CELSR1: variants seen among roughly 807,000 people sequenced by gnomAD.
The protein encoded by CELSR1 is cadherin EGF LAG seven-pass G-type receptor 1.
CELSR1 carries 110 observed loss-of-function variants against 249.1 expected under a neutral mutation model. The ratio of observed to expected loss-of-function variants is 0.44; its 90% CI spans 0.38 to 0.52. The LOEUF is 0.52. Ranked by LOEUF, CELSR1 falls within the 20% of genes least tolerant of loss-of-function variation. The probability of loss-of-function intolerance (pLI) is 0.00; values close to 1 mark genes in which losing one functional copy is unlikely to be tolerated. For synonymous variants in CELSR1, 2,113 were observed against 1,900.0 expected, an observed-to-expected ratio of 1.11 and a Z score of -2.92; for missense variants, 4,109 against 4,296.4, an observed-to-expected ratio of 0.96 and a Z score of 1.22.
At chr22:46,525,637 C>A (rs1457710926) in intron 1 of CELSR1, among the ~76,000 whole-genome samples, 4 of 152,216 alleles carry the variant, frequency 2.6e-5, no homozygotes, top group Non-Finnish European at 5.9e-5. Flanking sequence ...CTGCTTTCTA[C>A]ATGCTGCACC....
rs549741649 is a variant in CELSR1, at chr22:46,393,227, C to T, written c.5964+915G>A. 2.0e-5 allele frequency among the ~76,000 whole-genome samples: 3 copies of T among 152,134 alleles called. No homozygotes were observed. The highest frequency in any genetic ancestry group is 2.9e-5 in the Non-Finnish European group (2 of 68,028). On this transcript the variant is annotated intron_variant, in intron 14 of 34. Transcript: ENST00000674500. The surrounding 1 kb of genome is among the most constrained non-coding windows in gnomAD (Gnocchi z 4.1). ...GTGAGCGCCATGGCCGTGGTGTACA[C>T]GAAGATCCTGAAGGAGGTGATGTAT...
Position 46,536,249 on chromosome 22 carries a change from C to T in CELSR1, c.922G>A (p.Asp308Asn). ...IDSATGAVST[D>N]SVLDRETKET... ...TTGGTCTCGCGGTCCAGTACGCTGT[C>T]CGTGCTCACGGCGCCCGTGGCAGAG... is the stretch of plus-strand genomic sequence containing the variant. The change falls in exon 1 of 35, where the codon GAC becomes AAC. Residue 308 changes from aspartate (D) to asparagine (N), a missense_variant. By Grantham distance (23) the Asp-to-Asn change is conservative. Coordinates refer to ENST00000674500, the MANE Select transcript of CELSR1 (RefSeq NM_001378328.1). 2 of 1,612,380 alleles carry T rather than the reference C, an allele frequency of 1.2e-6. No individual in the cohort carries two copies. The highest frequency in any genetic ancestry group is 1.7e-6 in the Non-Finnish European group (2 of 1,179,824).
intron 9 of CELSR1, among the ~76,000 whole-genome samples, chr22:46,405,858 C>T (rs534058678): frequency 1.3e-5 from 2 of 152,240 alleles, no homozygotes; most frequent in South Asian, 4.1e-4. Flanking sequence ...CTGATAATGG[C>T]AAGGAGAAAT....
chr22:46,366,716 A>G (rs964719567), intron 29 of CELSR1, among the ~76,000 whole-genome samples: 2 of 152,020 alleles, frequency 1.3e-5, no homozygotes, highest in African/African-American at 4.8e-5. Context: ...CGCCCTCCCT[A>G]CGGCCACTGC....
At chr22:46,388,177 T>C (rs1320901928) in intron 18 of CELSR1, among the ~76,000 whole-genome samples, 1 of 151,968 alleles carries the variant, frequency 6.6e-6, no homozygotes, top group Non-Finnish European at 1.5e-5. Context: ...GGTGAAACCC[T>C]GTCTCTACCA....
intron 2 of CELSR1, among the ~76,000 whole-genome samples, chr22:46,444,523 C>T (rs1218497827): frequency 1.3e-5 from 2 of 152,212 alleles, no homozygotes; most frequent in Admixed American, 6.5e-5. Context: ...AAAGGTCTTG[C>T]TCCTTTAAAT....
chr22:46,424,097 C>G (rs975856039), intron 5 of CELSR1, among the ~76,000 whole-genome samples: 5 of 152,068 alleles, frequency 3.3e-5, no homozygotes, highest in Admixed American at 6.6e-5. Context: ...ACAAGAGTCT[C>G]ACTCTTTCGC....
rs1438005886 is a variant in CELSR1 at position 46,401,075 on chromosome 22, G to A, written c.5227-1173C>T. Among the ~76,000 whole-genome samples, 1 of 152,148 alleles carries A rather than the reference G, an allele frequency of 6.6e-6. No homozygotes were observed. The highest frequency in any genetic ancestry group is 1.5e-5 in the Non-Finnish European group (1 of 68,028). On this transcript the variant is annotated intron_variant, in intron 9 of 34. Coordinates refer to ENST00000674500, the MANE Select transcript of CELSR1 (RefSeq NM_001378328.1). The surrounding 1 kb of genome is among the most constrained non-coding windows in gnomAD (Gnocchi z 4.7). ...GCTTCATGGAGGTCAAGTAAGGGAA[G>A]CGCCAAGAACAAGCCCCATTAGGCT...
rs9627433 is a variant in CELSR1 at position 46,386,823 on chromosome 22, G to A, written c.6556-238C>T. Among the ~76,000 whole-genome samples, 1,055 of 151,984 alleles carry A rather than the reference G, an allele frequency of 6.9e-3. 12 individuals carry two copies. The highest frequency in any genetic ancestry group is 0.024 in the African/African-American group (988 of 41,434). ...GGCTGGAATGCAGTGGTGTCATCTCGGCTCACTGCAACCTCCGCCTCCTGG... is the reference window on the plus strand; with the variant it reads ...GGCTGGAATGCAGTGGTGTCATCTCAGCTCACTGCAACCTCCGCCTCCTGG... On this transcript the variant is annotated intron_variant, in intron 18 of 34. Coordinates refer to ENST00000674500, the MANE Select transcript of CELSR1 (RefSeq NM_001378328.1).
intron 1 of CELSR1, among the ~76,000 whole-genome samples, chr22:46,508,706 G>A (rs1269168250): frequency 2.0e-5 from 3 of 152,112 alleles, no homozygotes; most frequent in African/African-American, 7.2e-5. Context: ...CAGTTTGGCT[G>A]GAATTTAGAA....
At chr22:46,425,131 C>T (rs1431739418) in intron 5 of CELSR1, among the ~76,000 whole-genome samples, 2 of 152,232 alleles carry the variant, frequency 1.3e-5, no homozygotes, top group African/African-American at 4.8e-5. Flanking sequence ...TTTAACCATT[C>T]ACCCAGTGAC....
intron 1 of CELSR1, among the ~76,000 whole-genome samples, chr22:46,496,198 CTCAAA>C (rs1394568611): frequency 5.3e-5 from 2 of 38,070 alleles, no homozygotes; most frequent in Admixed American, 6.4e-4. Flanking sequence ...GAGACTTTGT[CTCAAA>C]AAAAAAAAAA....
At chr22:46,377,374 A>G in intron 23 of CELSR1, 113 bp from the exon 24 acceptor site, 1 of 1,227,186 alleles carries the variant, frequency 8.1e-7, no homozygotes, top group Non-Finnish European at 1.1e-6. Flanking sequence ...CAAGGCTGGC[A>G]GGATCAGGCT....
chr22:46,467,924 C>T (rs1393062125), intron 1 of CELSR1, among the ~76,000 whole-genome samples: 1 of 152,080 alleles, frequency 6.6e-6, no homozygotes, highest in Admixed American at 6.6e-5. Flanking sequence ...TACTTTACTG[C>T]TCATTTTGTG....
At chr22:46,369,368 G>A (rs1226326047) in intron 26 of CELSR1, 110 bp from the exon 27 acceptor site, 5 of 929,338 alleles carry the variant, frequency 5.4e-6, no homozygotes, top group African/African-American at 1.6e-5. Context: ...GCTGGGTGAG[G>A]AGGACCCGAA....
At position 46,366,459 on chromosome 22, in the gene CELSR1, T is replaced by C; in HGVS notation, c.8227A>G (p.Thr2743Ala). 1 of 1,550,008 alleles carries C rather than the reference T, an allele frequency of 6.5e-7. No homozygotes were observed. Among genetic ancestry groups the C allele is most frequent in the Non-Finnish European group, 8.7e-7 (1 of 1,146,646 alleles). ...LLTRSLNCNT[T>A]FGDGPDMLRT... ...AGCATGTCAGGCCCGTCACCGAAGG[T>C]GGTGTTGCAGTTGAGGGAGCGCTGA... The change falls in exon 30 of 35, where the codon ACC (threonine) becomes GCC (alanine). Residue 2743 changes from threonine to alanine, a missense_variant. This residue lies in a region of CELSR1 where 1,805 missense variants were observed against 1,831.6 expected (regional missense o/e 0.99). Coordinates refer to ENST00000674500, the MANE Select transcript of CELSR1 (RefSeq NM_001378328.1).
chr22:46,516,859 G>T (rs1365494930), intron 1 of CELSR1, among the ~76,000 whole-genome samples: 1 of 152,210 alleles, frequency 6.6e-6, no homozygotes, highest in South Asian at 2.1e-4. Context: ...GCAGGCGGCC[G>T]AGGGCTGTCC....
intron 2 of CELSR1, 35 bp from the exon 3 acceptor site, chr22:46,439,446 T>TACCG (rs2079714723): frequency 6.4e-7 from 1 of 1,561,194 alleles, no homozygotes; most frequent in Admixed American, 1.8e-5. Flanking sequence ...GAGAGGAGGT[T>TACCG]ACCGACCAGC....
At chr22:46,481,783 T>A in intron 1 of CELSR1, 1 of 366,316 alleles carries the variant, frequency 2.7e-6, no homozygotes. Context: ...CTTTTCTAAA[T>A]CTTTTTTTTT....
Sources: allele counts gnomAD v4.1 joint callset (sites outside exome capture counted in the v4.1 genomes callset), GRCh38; gene constraint gnomAD v4.1.1; regional missense constraint gnomAD v4.1.1; non-coding constraint Gnocchi (gnomAD v3.1); transcripts MANE v1.5; gene names NCBI Gene and HGNC (gene_info 2026-07-23, HGNC 2026-07-21).